Variants in AP1AR observed in about 807,000 individuals in gnomAD.
AP1AR encodes adaptor related protein complex 1 associated regulatory protein, also known as AP-1 complex-associated regulatory protein.
A neutral mutation model predicts 46.3 loss-of-function variants in AP1AR; 29 were observed. The observed-to-expected ratio is 0.63, with a 90% CI of 0.47 to 0.85. The LOEUF (loss-of-function observed/expected upper bound fraction) is 0.85. Ranked by LOEUF, AP1AR falls within the 40% of genes least tolerant of loss-of-function variation. The pLI is 0.00. For synonymous variants in AP1AR, 122 were observed against 122.9 expected, an observed-to-expected ratio of 0.99 and a Z score of 0.05; for missense variants, 357 against 356.3, an observed-to-expected ratio of 1.00 and a Z score of -0.02.
Position 112,268,406 on chromosome 4 carries a change from A to G in AP1AR, c.906A>G (p.Arg302=). 2 of 1,578,696 alleles carry G rather than the reference A, an allele frequency of 1.3e-6. No homozygotes were observed. The highest frequency in any genetic ancestry group is 2.3e-5 in the South Asian group (2 of 85,480). The change falls in exon 10 of 10, where the codon CGA becomes CGG. Residue 302 remains arginine, a synonymous_variant. Transcript: ENST00000274000. ...ATTCTGACACAGATCAACAGACTCGATAGGGTAAAATTGTGTGACCTTGTT... is the reference window on the plus strand; with the variant it reads ...ATTCTGACACAGATCAACAGACTCGGTAGGGTAAAATTGTGTGACCTTGTT... ...IRHSDTDQQT[R]
At position 112,272,571 on chromosome 4, in the gene AP1AR, G is replaced by A. The variant is rs149606150; in HGVS notation, c.*4162G>A. ...CTGCACATACAGGGAGGGAAGAGATGGGGAAAAAAATAGGAAATAATAAAT... is the reference window on the plus strand; with the variant it reads ...CTGCACATACAGGGAGGGAAGAGATAGGGAAAAAAATAGGAAATAATAAAT... On this transcript the variant is annotated 3_prime_UTR_variant, in exon 10 of 10. Transcript: ENST00000274000. 6.7e-4 allele frequency among the ~76,000 whole-genome samples: 102 copies of A among 152,210 alleles called. No individual in the cohort carries two copies. Among genetic ancestry groups the A allele is most frequent in the Non-Finnish European group, 1.1e-3 (74 of 67,994 alleles).
At chr4:112,244,654 G>A (rs1254815093) in intron 1 of AP1AR, among the ~76,000 whole-genome samples, 1 of 152,038 alleles carries the variant, frequency 6.6e-6, no homozygotes, top group African/African-American at 2.4e-5. Context: ...GTGTGCAGTA[G>A]TCTCCTGTCA....
Position 112,265,009 on chromosome 4 carries a change from C to T in AP1AR, c.382C>T (p.Gln128Ter). The part of the protein sequence containing the change: ...RAAKQRKLLE[Q>*]ERQRIVQQYH... ...TTTTTATTACATTATGTTTCCAAAG[C>T]AAGAAAGGCAGAGAATTGTGCAGCA... The change falls in exon 7 of 10, where the codon CAA (glutamine) becomes TAA (stop). Residue 128 changes from glutamine to a stop codon, truncating the protein, a stop_gained and splice_region_variant. Transcript: ENST00000274000. LOFTEE classifies it high-confidence loss of function. 6.3e-7 allele frequency: 1 copy of T among 1,596,944 alleles called. No homozygotes were observed. Among genetic ancestry groups the T allele is most frequent in the South Asian group, 1.1e-5 (1 of 87,426 alleles).
intron 4 of AP1AR, among the ~76,000 whole-genome samples, chr4:112,259,428 T>C (rs1205707049): frequency 6.6e-6 from 1 of 152,222 alleles, no homozygotes; most frequent in Non-Finnish European, 1.5e-5. Context: ...ATATGTATAA[T>C]CCTTATATCT....
chr4:112,250,507 C>T (rs1560606830), intron 1 of AP1AR, among the ~76,000 whole-genome samples: 1 of 152,146 alleles, frequency 6.6e-6, no homozygotes, highest in African/African-American at 2.4e-5. Context: ...TAATACATCA[C>T]ATGTCTGAGG....
chr4:112,238,255 T>C (rs1021726975), intron 1 of AP1AR, among the ~76,000 whole-genome samples: 2 of 152,226 alleles, frequency 1.3e-5, no homozygotes, highest in African/African-American at 4.8e-5. Flanking sequence ...GAAGAGTTAT[T>C]TGAACTTGCA....
chr4:112,231,987 C>T lies in AP1AR; in HGVS notation c.-105C>T, dbSNP rs964955574. 152 of 1,131,778 alleles carry T rather than the reference C, an allele frequency of 1.3e-4. 1 individual carries two copies. In the East Asian group the frequency reaches 4.4e-3, roughly 33 times the overall value. 70.1% of individuals were successfully genotyped at this position (1,131,778 alleles called of 1,614,324 possible). ...GGCTCTGGCCGGCCCGCCCTCGGTC[C>T]TTGAACCCCATTTCGGCTCGTGCCG... On this transcript the variant is annotated 5_prime_UTR_variant, in exon 1 of 10. Coordinates refer to ENST00000274000, the MANE Select transcript of AP1AR (RefSeq NM_018569.6).
At chr4:112,236,638 C>T (rs1725253342) in intron 1 of AP1AR, among the ~76,000 whole-genome samples, 1 of 152,082 alleles carries the variant, frequency 6.6e-6, no homozygotes, top group Non-Finnish European at 1.5e-5. Context: ...TGACCTGAAA[C>T]GATCTGCCCA....
chr4:112,261,057 C>T lies in AP1AR; in HGVS notation c.282+195C>T, dbSNP rs1485543148. ...TTAATTTATCAGAAATCATATGCTG[C>T]CAAAAAATGGAGATAGTACATTCTT... On this transcript the variant is annotated intron_variant, in intron 5 of 9. Coordinates refer to ENST00000274000, the MANE Select transcript of AP1AR (RefSeq NM_018569.6). Among the ~76,000 whole-genome samples, 9 of 152,154 alleles carry T rather than the reference C, an allele frequency of 5.9e-5. No individual in the cohort carries two copies. In the East Asian group the frequency reaches 1.7e-3, roughly 29 times the overall value.
At chr4:112,264,307 T>G (rs959360439) in intron 6 of AP1AR, among the ~76,000 whole-genome samples, 1 of 152,150 alleles carries the variant, frequency 6.6e-6, no homozygotes, top group Non-Finnish European at 1.5e-5. Context: ...TCCAGGATTC[T>G]CTGAGTTTTT....
Position 112,264,993 on chromosome 4 carries a change from C to T in AP1AR, c.382-16C>T, listed in dbSNP as rs1726615404. The T allele has an allele frequency of 6.3e-7, 1 of 1,580,472 alleles. No homozygotes were observed. The highest frequency in any genetic ancestry group is 8.6e-7 in the Non-Finnish European group (1 of 1,164,288). ...TACAACAGAGTGATTTTTTTTATTA[C>T]ATTATGTTTCCAAAGCAAGAAAGGC... On this transcript the variant is annotated splice_polypyrimidine_tract_variant and intron_variant, in intron 6 of 9. Coordinates refer to ENST00000274000, the MANE Select transcript of AP1AR (RefSeq NM_018569.6).
intron 1 of AP1AR, among the ~76,000 whole-genome samples, chr4:112,246,795 A>G (rs1578408032): frequency 6.6e-6 from 1 of 152,220 alleles, no homozygotes; most frequent in Non-Finnish European, 1.5e-5. Context: ...TTGGAACACT[A>G]CCATCCACTG....
chr4:112,249,625 C>T (rs990634355), intron 1 of AP1AR, among the ~76,000 whole-genome samples: 1 of 151,932 alleles, frequency 6.6e-6, no homozygotes, highest in Non-Finnish European at 1.5e-5. Context: ...CCACTGCACT[C>T]CAGCCTGGGT....
intron 1 of AP1AR, among the ~76,000 whole-genome samples, chr4:112,243,165 C>T (rs1036654665): frequency 1.3e-5 from 2 of 152,230 alleles, no homozygotes; most frequent in Admixed American, 6.5e-5. Flanking sequence ...ATTTTCTTCA[C>T]AGCTCAACTT....
At chr4:112,266,539 G>A (rs143249759) in intron 8 of AP1AR, 49 bp from the exon 9 acceptor site, 397 of 1,564,016 alleles carry the variant, frequency 2.5e-4, no homozygotes, top group South Asian at 9.1e-4. Context: ...CGGCTGTTGC[G>A]GTGGAAGAGT....
intron 1 of AP1AR, among the ~76,000 whole-genome samples, chr4:112,240,854 A>G (rs745426381): frequency 3.9e-5 from 6 of 152,174 alleles, no homozygotes; most frequent in Non-Finnish European, 5.9e-5. Flanking sequence ...ACTGTATTAC[A>G]TAGCTATGCC....
Position 112,272,096 on chromosome 4 carries a change from G to A in AP1AR, c.*3687G>A, listed in dbSNP as rs113809585. ...TACACAAATGAAGGGATGGAAACTGGGGAGTTGGGGATGAAGAATAAAGAA... is the reference window on the plus strand; with the variant it reads ...TACACAAATGAAGGGATGGAAACTGAGGAGTTGGGGATGAAGAATAAAGAA... On this transcript the variant is annotated 3_prime_UTR_variant, in exon 10 of 10. Coordinates refer to ENST00000274000, the MANE Select transcript of AP1AR (RefSeq NM_018569.6). Among the ~76,000 whole-genome samples, 1,760 of 152,270 alleles carry A rather than the reference G, an allele frequency of 0.012. 16 individuals are homozygous for A. The highest frequency in any genetic ancestry group is 0.019 in the Non-Finnish European group (1,294 of 68,014).
At position 112,232,064 on chromosome 4, in the gene AP1AR, AG is replaced by A; in HGVS notation, c.-26del. On this transcript the variant is annotated 5_prime_UTR_variant, in exon 1 of 10. Transcript: ENST00000274000. ...TTGGGCATTGAGCGGGAGGAGGAGG[AG>A]GAGCGGCGGCGCCTGGGCGGCATGC... The A allele has an allele frequency of 7.4e-7, 1 of 1,350,778 alleles. No individual in the cohort carries two copies. Among genetic ancestry groups the A allele is most frequent in the Non-Finnish European group, 9.6e-7 (1 of 1,042,968 alleles). The allele number at this position is 1,350,778 out of a possible 1,614,324, so 83.7% of individuals were successfully genotyped here.
chr4:112,259,908 A>G (rs1166570893), intron 4 of AP1AR, among the ~76,000 whole-genome samples: 3 of 152,196 alleles, frequency 2.0e-5, no homozygotes, highest in Non-Finnish European at 4.4e-5. Context: ...GGGGCGATTC[A>G]TGGTTGATAC....
Sources: allele counts gnomAD v4.1 joint callset (sites outside exome capture counted in the v4.1 genomes callset), GRCh38; gene constraint gnomAD v4.1.1; transcripts MANE v1.5; gene names NCBI Gene and HGNC (gene_info 2026-07-23, HGNC 2026-07-21).